LRRC73: variants seen among roughly 807,000 people sequenced by gnomAD.
The protein encoded by LRRC73 is leucine rich repeat containing 73.
A neutral mutation model predicts 26.4 loss-of-function variants in LRRC73; 16 were observed. The ratio of observed to expected loss-of-function variants is 0.61; its 90% CI spans 0.41 to 0.92. LRRC73 has a LOEUF of 0.92. Among genes scored for constraint, LRRC73 ranks in the 40% least tolerant of loss-of-function variants. The pLI is 0.00. For missense variants in LRRC73, 344 were observed against 416.3 expected (o/e 0.83, Z 1.51); for synonymous variants, 210 against 179.8 (o/e 1.17, Z -1.34).
Position 43,507,815 on chromosome 6 carries a change from C to T in LRRC73, c.657+11G>A, listed in dbSNP as rs776484488. On this transcript the variant is annotated intron_variant, in intron 4 of 5. Coordinates refer to ENST00000372441, the Ensembl canonical transcript of LRRC73. Reference sequence around the variant, plus strand: ...ATCCCCTGGCCGTGCCCAAACATGACGACTTCCCACCTGAGCTGACTGGTT... The same window carrying T: ...ATCCCCTGGCCGTGCCCAAACATGATGACTTCCCACCTGAGCTGACTGGTT... 29 of 1,612,686 alleles carry T rather than the reference C, an allele frequency of 1.8e-5. No individual in the cohort carries two copies. Among genetic ancestry groups the T allele is most frequent in the South Asian group, 1.4e-4 (13 of 90,904 alleles).
exon 1 of LRRC73, chr6:43,509,689 G>A (rs1227717773): frequency 1.3e-6 from 2 of 1,591,814 alleles, no homozygotes; most frequent in East Asian, 4.5e-5. Context: ...CGCAGTGAGA[G>A]CAGGCGCACG....
chr6:43,507,504 C>G (rs747634768), exon 5 of LRRC73: 1 of 1,613,230 alleles, frequency 6.2e-7, no homozygotes, highest in Non-Finnish European at 8.5e-7. Flanking sequence ...GCAGCAGGCT[C>G]CCGCCCTCTC....
chr6:43,508,942 G>C (rs1414666470), intron 1 of LRRC73, 22 bp from the exon 2 acceptor site: 3 of 1,569,044 alleles, frequency 1.9e-6, no homozygotes, highest in African/African-American at 2.7e-5. Flanking sequence ...TGAGAGAGCA[G>C]GGTTACTGCA....
In LRRC73 at chr6:43,509,633, G is replaced by A. The variant is rs779582860; in HGVS notation, c.153C>T (p.Ala51=). ...GCGCCAGGGACGTGGCCCCGGCCAG[G>A]GCCCGGCAGATGCGGCCAAAGTCGC... The change falls in exon 1 of 6, where the codon GCC becomes GCT. Residue 51 remains alanine, a synonymous_variant. Transcript: ENST00000372441. 5.6e-6 allele frequency: 9 copies of A among 1,602,558 alleles called. No individual in the cohort carries two copies. In the East Asian group the frequency reaches 6.7e-5, roughly 12 times the overall value.
exon 1 of LRRC73, chr6:43,509,815 G>C (rs1387674682): frequency 1.4e-6 from 2 of 1,477,172 alleles, no homozygotes; most frequent in East Asian, 5.2e-5. Flanking sequence ...CCGGGTACGG[G>C]GCCGGAACGG....
At chr6:43,508,982 G>A (rs2127681496) in intron 1 of LRRC73, 62 bp from the exon 2 acceptor site, 1 of 1,434,748 alleles carries the variant, frequency 7.0e-7, no homozygotes, top group Non-Finnish European at 9.2e-7. Flanking sequence ...TGGGAAAGGG[G>A]CACTTTCACT....
intron 1 of LRRC73, 72 bp downstream of exon 1, chr6:43,509,442 G>A (rs978464560): frequency 3.1e-5 from 46 of 1,505,020 alleles, no homozygotes; most frequent in Non-Finnish European, 3.8e-5. Context: ...GAGTGTGGAG[G>A]AACAGGAGGT....
exon 1 of LRRC73, chr6:43,509,846 G>GGGGCCGGGGATA (rs1310682708): frequency 1.4e-6 from 2 of 1,391,216 alleles, no homozygotes; most frequent in Non-Finnish European, 1.9e-6. Flanking sequence ...GGCCGCGGGC[G>GGGGCCGGGGATA]GGGCCGGGGA....
intron 2 of LRRC73, 59 bp from the exon 3 acceptor site, chr6:43,508,479 T>C: frequency 6.2e-7 from 1 of 1,607,800 alleles, no homozygotes; most frequent in Non-Finnish European, 8.5e-7. Flanking sequence ...CTCCAGCCCT[T>C]CCCCACAATC....
intron 2 of LRRC73, 136 bp from the exon 3 acceptor site, chr6:43,508,556 A>G (rs1375337728): frequency 7.0e-7 from 1 of 1,435,088 alleles, no homozygotes; most frequent in Non-Finnish European, 9.5e-7. Context: ...GTCAAGAGCC[A>G]TTAAGGAGGC....
chr6:43,509,511 C>G lies in LRRC73; in HGVS notation c.272+3G>C. 6.2e-7 allele frequency: 1 copy of G among 1,601,164 alleles called. No homozygotes were observed. The highest frequency in any genetic ancestry group is 8.5e-7 in the Non-Finnish European group (1 of 1,173,262). On this transcript the variant is annotated splice_donor_region_variant and intron_variant, in intron 1 of 5. Transcript: ENST00000372441. ...GGACCCCCTTGCGAGGGGGCGCACT[C>G]ACAAGAGGGACTGGATGGAGCGGTT...
chr6:43,509,781 A>G (rs747614096), exon 1 of LRRC73: 2 of 1,543,256 alleles, frequency 1.3e-6, no homozygotes, highest in Admixed American at 3.7e-5. Context: ...GGAGCTGGGC[A>G]GCATCGTGCC....
chr6:43,507,018 A>G, exon 6 of LRRC73: 1 of 567,382 alleles, frequency 1.8e-6, no homozygotes, highest in Non-Finnish European at 3.2e-6. Flanking sequence ...CAGAGCTGCC[A>G]AGTTCAAAGG....
exon 1 of LRRC73, chr6:43,509,846 GGGGCCGGGGATA>G (rs1310682708): frequency 3.3e-5 from 46 of 1,391,108 alleles, no homozygotes; most frequent in Non-Finnish European, 4.1e-5. Context: ...GGCCGCGGGC[GGGGCCGGGGATA>G]GGGCCGGGGT....
chr6:43,508,048 T>C (rs1561849695), intron 3 of LRRC73, 122 bp from the exon 4 acceptor site: 2 of 1,039,296 alleles, frequency 1.9e-6, no homozygotes, highest in Non-Finnish European at 2.8e-6. Flanking sequence ...GGACAATTGG[T>C]GGTGGTCAGG....
chr6:43,507,467 A>C (rs1161611528), exon 5 of LRRC73: 1 of 1,612,994 alleles, frequency 6.2e-7, no homozygotes, highest in Non-Finnish European at 8.5e-7. Context: ...GCTGGGGCAC[A>C]TCCAGGAGCT....
intron 1 of LRRC73, 88 bp downstream of exon 1, chr6:43,509,426 T>C (rs1792599390): frequency 2.8e-6 from 4 of 1,451,266 alleles, no homozygotes; most frequent in Admixed American, 2.2e-5. Context: ...AGGATGGTAC[T>C]GGAAGGAGTG....
rs766604240 is a variant in LRRC73 at position 43,508,940 on chromosome 6, C to T, written c.273-20G>A. 1.3e-6 allele frequency: 2 copies of T among 1,574,000 alleles called. No individual in the cohort carries two copies. Among genetic ancestry groups the T allele is most frequent in the Non-Finnish European group, 1.7e-6 (2 of 1,158,206 alleles). On this transcript the variant is annotated intron_variant, in intron 1 of 5. Transcript: ENST00000372441. Reference sequence around the variant, plus strand: ...TGCAGGCTGGAGGAGAGTGAGAGAGCAGGGTTACTGCAGTCCTCCGCACTA... The same window carrying T: ...TGCAGGCTGGAGGAGAGTGAGAGAGTAGGGTTACTGCAGTCCTCCGCACTA...
chr6:43,508,659 C>A, intron 2 of LRRC73, 101 bp downstream of exon 2: 1 of 1,476,356 alleles, frequency 6.8e-7, no homozygotes. Flanking sequence ...AAGATGTTCT[C>A]GCCCACATCA....
Sources: allele counts gnomAD v4.1 joint callset, GRCh38; gene constraint gnomAD v4.1.1; transcripts MANE v1.5; gene names NCBI Gene and HGNC (gene_info 2026-07-23, HGNC 2026-07-21).